CSMD1: variants seen among roughly 807,000 people sequenced by gnomAD.
The protein encoded by CSMD1 is CUB and Sushi multiple domains 1.
A neutral mutation model predicts 417.5 loss-of-function variants in CSMD1; 213 were observed. That is an observed-to-expected ratio of 0.51 (90% CI 0.46 to 0.57). The LOEUF (loss-of-function observed/expected upper bound fraction) is 0.57. Ranked by LOEUF, CSMD1 falls within the 20% of genes least tolerant of loss-of-function variation. The pLI, the probability that CSMD1 is intolerant of heterozygous loss-of-function variation, is 0.00. For missense variants in CSMD1, 6,923 were observed against 4,529.7 expected (o/e 1.53, Z -15.17); for synonymous variants, 2,862 against 1,736.8 (o/e 1.65, Z -16.11).
intron 3 of CSMD1, among the ~76,000 whole-genome samples, chr8:4,188,153 T>C (rs1798794105): frequency 6.6e-6 from 1 of 152,116 alleles, no homozygotes; most frequent in Non-Finnish European, 1.5e-5. Context: ...CATCCTAACG[T>C]ATTTAAATTG....
At chr8:4,606,238 G>C (rs191695586) in intron 2 of CSMD1, among the ~76,000 whole-genome samples, 1 of 152,074 alleles carries the variant, frequency 6.6e-6, no homozygotes, top group Non-Finnish European at 1.5e-5. Flanking sequence ...GAGAAAATAT[G>C]CTTCAGTTAG....
intron 50 of CSMD1, among the ~76,000 whole-genome samples, chr8:3,049,373 A>C (rs1413675484): frequency 6.6e-6 from 1 of 152,188 alleles, no homozygotes. Context: ...GCCATGGTCC[A>C]TACAGACAAT....
intron 3 of CSMD1, among the ~76,000 whole-genome samples, chr8:4,093,435 C>G (rs572088027): frequency 2.8e-4 from 43 of 152,216 alleles, no homozygotes; most frequent in African/African-American, 1.0e-3. Flanking sequence ...TTTTAATGCA[C>G]TCCCCTTGAA....
chr8:3,124,681 G>T (rs1050059026), intron 41 of CSMD1, among the ~76,000 whole-genome samples: 1 of 152,140 alleles, frequency 6.6e-6, no homozygotes, highest in Non-Finnish European at 1.5e-5. Flanking sequence ...CACCTCCTAA[G>T]TGGAGACGAA....
intron 4 of CSMD1, among the ~76,000 whole-genome samples, chr8:4,001,832 A>G (rs1048718337): frequency 1.3e-5 from 2 of 152,172 alleles, no homozygotes; most frequent in African/African-American, 2.4e-5. Flanking sequence ...AGTAGATGAC[A>G]TAAAGAAGGC....
At chr8:3,793,942 C>G (rs1347922118) in intron 5 of CSMD1, among the ~76,000 whole-genome samples, 3 of 152,142 alleles carry the variant, frequency 2.0e-5, no homozygotes, top group Admixed American at 6.5e-5. Flanking sequence ...TCCCCCAGAG[C>G]TGGGTAAATG....
At chr8:3,800,001 G>A (rs908923886) in intron 5 of CSMD1, among the ~76,000 whole-genome samples, 51 of 152,144 alleles carry the variant, frequency 3.4e-4, no homozygotes, top group African/African-American at 1.0e-3. Flanking sequence ...CACTATTTGT[G>A]TAACCTTGTA....
intron 1 of CSMD1, among the ~76,000 whole-genome samples, chr8:4,971,722 T>C (rs1367104026): frequency 2.0e-5 from 3 of 151,594 alleles, no homozygotes; most frequent in Non-Finnish European, 2.9e-5. Context: ...GCTTCTATGA[T>C]TACATTCTTC....
At chr8:3,268,218 G>C (rs1204300941) in intron 26 of CSMD1, among the ~76,000 whole-genome samples, 1 of 149,918 alleles carries the variant, frequency 6.7e-6, no homozygotes, top group Non-Finnish European at 1.5e-5. Flanking sequence ...GATTACACTA[G>C]TGCCATCATG....
chr8:4,094,828 G>C (rs1197504409), intron 3 of CSMD1, among the ~76,000 whole-genome samples: 1 of 152,160 alleles, frequency 6.6e-6, no homozygotes, highest in African/African-American at 2.4e-5. Context: ...CGCTTATCAA[G>C]GAAATAAAGG....
At position 3,939,211 on chromosome 8, in the gene CSMD1, T is replaced by C. The variant is rs117235798; in HGVS notation, c.818+58692A>G. Among the ~76,000 whole-genome samples, 63 of 152,180 alleles carry C rather than the reference T, an allele frequency of 4.1e-4. 1 individual carries two copies. In the East Asian group the frequency reaches 0.011, roughly 27 times the overall value. On this transcript the variant is annotated intron_variant, in intron 5 of 69. Transcript: ENST00000635120. ...ATAAGAGAACCCAACACAAAAGTAA[T>C]TCATCACGAATAAACTTTTAAAATC... is the stretch of plus-strand genomic sequence containing the variant.
At chr8:3,421,413 A>G (rs981643209) in intron 12 of CSMD1, among the ~76,000 whole-genome samples, 2 of 152,218 alleles carry the variant, frequency 1.3e-5, no homozygotes, top group African/African-American at 4.8e-5. Context: ...ACTATATACA[A>G]TCCCAGGTTG....
At chr8:2,980,618 A>G (rs557486035) in intron 54 of CSMD1, among the ~76,000 whole-genome samples, 33 of 152,268 alleles carry the variant, frequency 2.2e-4, no homozygotes, top group African/African-American at 7.7e-4. Context: ...CAGGCAGAGA[A>G]CCAAATGTTC....
chr8:4,576,494 T>G (rs1799142398), intron 2 of CSMD1, among the ~76,000 whole-genome samples: 1 of 152,234 alleles, frequency 6.6e-6, no homozygotes, highest in Non-Finnish European at 1.5e-5. Context: ...CACATACAGT[T>G]TCTAATAAGT....
chr8:4,708,681 T>A (rs1297812445), intron 1 of CSMD1, among the ~76,000 whole-genome samples: 1 of 152,164 alleles, frequency 6.6e-6, no homozygotes, highest in Non-Finnish European at 1.5e-5. Flanking sequence ...TTCATTTTTT[T>A]TTTTAAGAGA....
At chr8:3,081,265 A>G (rs1814077395) in intron 49 of CSMD1, among the ~76,000 whole-genome samples, 1 of 152,204 alleles carries the variant, frequency 6.6e-6, no homozygotes, top group Non-Finnish European at 1.5e-5. Context: ...TTTGTAAAGG[A>G]GAAGAACGAA....
At chr8:4,896,148 A>C (rs932624756) in intron 1 of CSMD1, among the ~76,000 whole-genome samples, 4 of 152,082 alleles carry the variant, frequency 2.6e-5, no homozygotes, top group African/African-American at 9.7e-5. Flanking sequence ...ATATTTTTTT[A>C]AACATTTGAA....
chr8:3,813,091 G>GT (rs10714284), intron 5 of CSMD1, among the ~76,000 whole-genome samples: 14,634 of 135,440 alleles, frequency 0.11, 1,059 homozygotes, highest in East Asian at 0.31. Context: ...TTTTAAGCTA[G>GT]TTTTTTTTTT....
chr8:3,106,327 G>C (rs1490439474), intron 46 of CSMD1, among the ~76,000 whole-genome samples: 2 of 152,088 alleles, frequency 1.3e-5, no homozygotes, highest in African/African-American at 4.8e-5. Flanking sequence ...AGACCAGGGA[G>C]GTTGAGGCTG....
Sources: allele counts gnomAD v4.1 joint callset (sites outside exome capture counted in the v4.1 genomes callset), GRCh38; gene constraint gnomAD v4.1.1; transcripts MANE v1.5; gene names NCBI Gene and HGNC (gene_info 2026-07-23, HGNC 2026-07-21).